CDK12: variants seen among roughly 807,000 people sequenced by gnomAD.
The protein encoded by CDK12 is cyclin-dependent kinase 12.
CDK12 carries 17 observed loss-of-function variants against 133.8 expected under a neutral mutation model. The observed-to-expected ratio is 0.13, with a 90% CI of 0.09 to 0.19. CDK12 has a LOEUF of 0.19. Ranked by LOEUF, CDK12 falls within the 10% of genes least tolerant of loss-of-function variation. CDK12 has a pLI of 1.00. For missense variants in CDK12, 1,508 were observed against 1,818.7 expected (o/e 0.83, Z 3.11); for synonymous variants, 694 against 683.6 (o/e 1.02, Z -0.24).
Position 39,524,759 on chromosome 17 carries a change from C to T in CDK12, c.3181C>T (p.Pro1061Ser), listed in dbSNP as rs2054392723. ...RQSGVVVEEP[P>S]PSKTSRKETT... The stretch of plus-strand genomic sequence containing the variant: ...AAGTGGTGTTGTAGTCGAAGAGCCA[C>T]CTCCATCCAAAACTTCTCGAAAAGA... The change falls in exon 12 of 14, where the codon CCT becomes TCT. Residue 1061 changes from proline to serine, a missense_variant. By Grantham distance (74) the Pro-to-Ser change is moderately conservative. Transcript: ENST00000447079. The T allele has an allele frequency of 1.2e-6, 2 of 1,614,200 alleles. No homozygotes were observed. Among genetic ancestry groups the T allele is most frequent in the African/African-American group, 1.3e-5 (1 of 75,046 alleles).
Position 39,501,551 on chromosome 17 carries a change from C to G in CDK12, c.2609+112C>G. 3 of 661,634 alleles carry G rather than the reference C, an allele frequency of 4.5e-6. No homozygotes were observed. In the South Asian group the frequency reaches 6.3e-5, roughly 14 times the overall value. 41.0% of individuals were successfully genotyped at this position (661,634 alleles called of 1,614,324 possible). On this transcript the variant is annotated intron_variant, in intron 6 of 13. Transcript: ENST00000447079. ...GACCTAATAGTGCAGTATTCACACA[C>G]TATTTAGTGATATTTCCTACGTTCA... is the stretch of plus-strand genomic sequence containing the variant.
chr17:39,481,650 CTCTCTCTCTCT>C (rs2050685900), intron 2 of CDK12, among the ~76,000 whole-genome samples: 2 of 15,770 alleles, frequency 1.3e-4, no homozygotes, highest in Non-Finnish European at 1.6e-4. Context: ...CTCTCTCTCT[CTCTCTCTCTCT>C]CTCTCTCTCT....
exon 1 of CDK12, chr17:39,550,350 G>A (rs1237209244): frequency 1.3e-5 from 2 of 152,290 alleles, no homozygotes; most frequent in African/African-American, 4.8e-5. Context: ...AGAGGTGCCA[G>A]GATTTCCCCC....
chr17:39,559,034 G>C (rs2056269571), intron 3 of CDK12, among the ~76,000 whole-genome samples: 1 of 152,150 alleles, frequency 6.6e-6, no homozygotes, highest in Admixed American at 6.5e-5. Context: ...TCATTTTATT[G>C]ATGTACACTA....
intron 2 of CDK12, among the ~76,000 whole-genome samples, chr17:39,485,957 C>CTT (rs994932445): frequency 1.2e-4 from 17 of 142,924 alleles, no homozygotes; most frequent in African/African-American, 3.1e-4. Flanking sequence ...TTTTCTTTTT[C>CTT]TTTTTTTTTT....
At chr17:39,551,022 C>A (rs1179380265) in intron 1 of CDK12, 1 of 151,240 alleles carries the variant, frequency 6.6e-6, no homozygotes, top group African/African-American at 2.4e-5. Flanking sequence ...TCTTGCCCCA[C>A]CCCTTCATTT....
At chr17:39,511,503 T>C (rs750132726) in intron 7 of CDK12, 26 bp from the exon 8 acceptor site, 1 of 1,435,368 alleles carries the variant, frequency 7.0e-7, no homozygotes, top group Non-Finnish European at 9.8e-7. Context: ...TGTAAGTTTA[T>C]GTCATGGTTG....
chr17:39,479,036 C>T (rs552674294), intron 2 of CDK12, among the ~76,000 whole-genome samples: 38 of 152,072 alleles, frequency 2.5e-4, no homozygotes, highest in East Asian at 1.5e-3. Context: ...TGGCCGGGTG[C>T]GGTGGCTCAC....
intron 2 of CDK12, among the ~76,000 whole-genome samples, chr17:39,481,367 C>G (rs1463759940): frequency 6.7e-6 from 1 of 149,110 alleles, no homozygotes; most frequent in African/African-American, 2.5e-5. Context: ...TCACTGTCAC[C>G]CAGGCTGGGG....
At chr17:39,487,060 G>C (rs1269615447) in intron 2 of CDK12, among the ~76,000 whole-genome samples, 4 of 152,152 alleles carry the variant, frequency 2.6e-5, no homozygotes, top group Admixed American at 2.6e-4. Context: ...CTGATAATAA[G>C]TTTTGTTTCT....
At chr17:39,502,528 G>A (rs964676418) in intron 6 of CDK12, among the ~76,000 whole-genome samples, 2 of 152,192 alleles carry the variant, frequency 1.3e-5, no homozygotes, top group African/African-American at 4.8e-5. Context: ...TCTTTATGGT[G>A]TAGAATAACC....
intron 6 of CDK12, among the ~76,000 whole-genome samples, chr17:39,509,096 G>A (rs556684743): frequency 2.0e-5 from 3 of 152,084 alleles, no homozygotes; most frequent in East Asian, 1.9e-4. Flanking sequence ...TTGGCATCAC[G>A]TATGGGCCTG....
chr17:39,554,105 G>A (rs2056060123), intron 2 of CDK12, among the ~76,000 whole-genome samples: 1 of 152,218 alleles, frequency 6.6e-6, no homozygotes, highest in Non-Finnish European at 1.5e-5. Context: ...GGGTAGCTCA[G>A]TGCCCCTGGG....
Position 39,463,003 on chromosome 17 carries a change from C to T in CDK12, c.932C>T (p.Ser311Phe). 1.2e-6 allele frequency: 2 copies of T among 1,614,198 alleles called. No homozygotes were observed. The highest frequency in any genetic ancestry group is 1.7e-6 in the Non-Finnish European group (2 of 1,180,042). ...AGTCCCTATAGCAGGAGACGGTCGT[C>T]CAGCTACGAAAGAAGTGGCTCTTAC... ...SVSPYSRRRSSSYERSGSYSG... is the reference protein window; with the variant it reads ...SVSPYSRRRSFSYERSGSYSG... Residue 311 changes from serine (S) to phenylalanine (F), a missense_variant, in exon 1 of 14, where the codon TCC becomes TTC. Ser to Phe is a radical substitution (Grantham distance 155). This residue lies in a region of CDK12 where 460 missense variants were observed against 490.8 expected (regional missense o/e 0.94). Transcript: ENST00000447079.
Position 39,471,501 on chromosome 17 carries a change from A to G in CDK12, c.1669A>G (p.Ile557Val), listed in dbSNP as rs369655491. 32 of 1,612,422 alleles carry G rather than the reference A, an allele frequency of 2.0e-5. No homozygotes were observed. Among genetic ancestry groups the G allele is most frequent in the African/African-American group, 4.0e-5 (3 of 74,338 alleles). Residue 557 changes from isoleucine to valine, a missense_variant, in exon 2 of 14, where the codon ATA becomes GTA. Physicochemically the swap from Ile to Val is conservative, Grantham distance 29. This residue lies in a region of CDK12 where 347 missense variants were observed against 330.8 expected (regional missense o/e 1.05). Transcript: ENST00000447079. ...QTPPLPPLPPIPALPQQPPLP... is the reference protein window; with the variant it reads ...QTPPLPPLPPVPALPQQPPLP... Reference sequence around the variant, plus strand: ...ACCCCCTTTGCCACCTTTGCCTCCAATACCAGCTCTTCCACAGCAACCACC... The same window carrying G: ...ACCCCCTTTGCCACCTTTGCCTCCAGTACCAGCTCTTCCACAGCAACCACC...
intron 2 of CDK12, among the ~76,000 whole-genome samples, chr17:39,477,674 G>A (rs1174473035): frequency 2.0e-5 from 3 of 150,708 alleles, no homozygotes; most frequent in Non-Finnish European, 2.9e-5. Context: ...CTGGGTCCAC[G>A]CTATTCTTCT....
At chr17:39,468,852 C>T (rs541682229) in intron 1 of CDK12, among the ~76,000 whole-genome samples, 17 of 151,174 alleles carry the variant, frequency 1.1e-4, no homozygotes, top group African/African-American at 7.3e-5. Context: ...TTCGCTCTGT[C>T]GCCAGCCTGG....
At chr17:39,516,424 A>C (rs1265660448) in intron 9 of CDK12, among the ~76,000 whole-genome samples, 1 of 148,318 alleles carries the variant, frequency 6.7e-6, no homozygotes, top group Non-Finnish European at 1.5e-5. Context: ...TGGTGTGATC[A>C]TAGTTCACTG....
intron 2 of CDK12, 136 bp from the exon 3 acceptor site, chr17:39,490,421 A>G (rs573428554): frequency 1.8e-5 from 10 of 540,572 alleles, no homozygotes; most frequent in Admixed American, 6.4e-5. Context: ...ATTTTTTTTT[A>G]TGTTATAGTA....
Sources: allele counts gnomAD v4.1 joint callset (sites outside exome capture counted in the v4.1 genomes callset), GRCh38; gene constraint gnomAD v4.1.1; regional missense constraint gnomAD v4.1.1; transcripts MANE v1.5; gene names NCBI Gene and HGNC (gene_info 2026-07-23, HGNC 2026-07-21).